Variants in FHIT observed in about 807,000 individuals in gnomAD.
FHIT encodes the protein fragile histidine triad diadenosine triphosphatase.
In FHIT, 19 loss-of-function variants were observed where a neutral mutation model predicts 17.9. The observed-to-expected ratio is 1.06, with a 90% CI of 0.74 to 1.56. The LOEUF is 1.56. Ranked by LOEUF, FHIT falls within the 40% of genes most tolerant of loss-of-function variation. The pLI is 0.00. For missense variants in FHIT, 248 were observed against 189.2 expected, an observed-to-expected ratio of 1.31 and a Z score of -1.82; for synonymous variants, 81 against 69.7, an observed-to-expected ratio of 1.16 and a Z score of -0.81.
chr3:59,784,354 A>G (rs934651655), intron 8 of FHIT, among the ~76,000 whole-genome samples: 2 of 152,310 alleles, frequency 1.3e-5, no homozygotes, highest in Admixed American at 1.3e-4. Context: ...TCTTTTTGAA[A>G]TGCAAATCAG....
At chr3:60,385,804 C>T (rs1700984901) in intron 5 of FHIT, among the ~76,000 whole-genome samples, 1 of 152,056 alleles carries the variant, frequency 6.6e-6, no homozygotes, top group Admixed American at 6.5e-5. Flanking sequence ...TCTTGAACTC[C>T]TGAACTCAAT....
chr3:60,961,714 G>T (rs1391912495), intron 3 of FHIT, among the ~76,000 whole-genome samples: 5 of 152,126 alleles, frequency 3.3e-5, no homozygotes, highest in African/African-American at 9.7e-5. Context: ...GTGTTTGTCA[G>T]GTTTGTCAAA....
chr3:60,044,517 T>G (rs1267638358), intron 5 of FHIT, among the ~76,000 whole-genome samples: 5 of 152,070 alleles, frequency 3.3e-5, no homozygotes, highest in Non-Finnish European at 5.9e-5. Flanking sequence ...GGTTAAGTGT[T>G]TTAACAGGGT....
At chr3:60,036,615 T>A (rs1331879013) in intron 5 of FHIT, among the ~76,000 whole-genome samples, 1 of 152,318 alleles carries the variant, frequency 6.6e-6, no homozygotes, top group South Asian at 2.1e-4. Flanking sequence ...AATGAGCCCA[T>A]AGTCCCGCCA....
chr3:60,622,135 G>A (rs1239488607), intron 4 of FHIT, among the ~76,000 whole-genome samples: 1 of 152,128 alleles, frequency 6.6e-6, no homozygotes, highest in Admixed American at 6.5e-5. Flanking sequence ...AGTCAAGATT[G>A]AAAACCCGGG....
chr3:60,376,657 A>C (rs1035209503), intron 5 of FHIT, among the ~76,000 whole-genome samples: 6 of 152,206 alleles, frequency 3.9e-5, no homozygotes, highest in Non-Finnish European at 4.4e-5. Context: ...TGACACAAAG[A>C]AGCTGTCCTT....
At chr3:60,513,856 C>T (rs1203356636) in intron 5 of FHIT, among the ~76,000 whole-genome samples, 2 of 152,096 alleles carry the variant, frequency 1.3e-5, no homozygotes, top group Non-Finnish European at 2.9e-5. Context: ...TATCCTGTGC[C>T]CATAAGAACC....
At chr3:60,820,099 G>C (rs1701875596) in intron 4 of FHIT, among the ~76,000 whole-genome samples, 1 of 152,124 alleles carries the variant, frequency 6.6e-6, no homozygotes, top group Non-Finnish European at 1.5e-5. Context: ...CTTGAGGTCA[G>C]GGGTTCAAGA....
chr3:59,767,093 C>T (rs1290344450), intron 8 of FHIT, among the ~76,000 whole-genome samples: 1 of 152,120 alleles, frequency 6.6e-6, no homozygotes, highest in African/African-American at 2.4e-5. Context: ...CTATTTGGGC[C>T]TTGGGTGGAG....
intron 5 of FHIT, among the ~76,000 whole-genome samples, chr3:60,194,998 A>G (rs1341166038): frequency 6.6e-6 from 1 of 152,060 alleles, no homozygotes. Flanking sequence ...AAACGCTGTA[A>G]CAACTAAAAA....
At chr3:59,903,325 T>C (rs1251818397) in intron 8 of FHIT, among the ~76,000 whole-genome samples, 2 of 152,120 alleles carry the variant, frequency 1.3e-5, no homozygotes, top group East Asian at 3.9e-4. Context: ...GGGTTTCTTT[T>C]GGGGGTGATG....
intron 2 of FHIT, among the ~76,000 whole-genome samples, chr3:61,059,799 A>G (rs1286991297): frequency 1.3e-5 from 2 of 152,198 alleles, no homozygotes; most frequent in African/African-American, 4.8e-5. Context: ...AGTTCATTCA[A>G]TGCCATCTGG....
intron 1 of FHIT, among the ~76,000 whole-genome samples, chr3:61,242,212 C>G (rs1445799847): frequency 1.3e-5 from 2 of 152,066 alleles, no homozygotes; most frequent in African/African-American, 4.8e-5. Flanking sequence ...GAATATGCTA[C>G]CCCAAAATAT....
At chr3:61,200,003 T>C (rs2038966227) in intron 2 of FHIT, among the ~76,000 whole-genome samples, 1 of 152,184 alleles carries the variant, frequency 6.6e-6, no homozygotes, top group Non-Finnish European at 1.5e-5. Context: ...TTTTTCCATG[T>C]AAAAACCAAC....
chr3:60,780,972 T>C (rs543933133), intron 4 of FHIT, among the ~76,000 whole-genome samples: 2 of 152,204 alleles, frequency 1.3e-5, no homozygotes, highest in African/African-American at 4.8e-5. Context: ...TTTCACCCAA[T>C]AAAACCTTGC....
At chr3:59,902,147 C>CATGG (rs1472049087) in intron 8 of FHIT, among the ~76,000 whole-genome samples, 1 of 152,056 alleles carries the variant, frequency 6.6e-6, no homozygotes, top group East Asian at 1.9e-4. Flanking sequence ...AACGGACCCG[C>CATGG]ATGGATATTT....
chr3:60,701,165 C>A (rs2041237283), intron 4 of FHIT, among the ~76,000 whole-genome samples: 1 of 144,718 alleles, frequency 6.9e-6, no homozygotes, highest in Admixed American at 7.0e-5. Context: ...CCTTTGTTGT[C>A]CAGGCTGGAG....
chr3:60,621,341 G>A (rs1293518937), intron 4 of FHIT, among the ~76,000 whole-genome samples: 2 of 151,560 alleles, frequency 1.3e-5, no homozygotes, highest in African/African-American at 2.4e-5. Context: ...GTAGAGACAG[G>A]GTTTACATTA....
chr3:61,095,647 GTTTT>G (rs2035614920), intron 2 of FHIT, among the ~76,000 whole-genome samples: 3 of 151,212 alleles, frequency 2.0e-5, no homozygotes, highest in Non-Finnish European at 4.4e-5. Context: ...TAAAGCATCT[GTTTT>G]AAAAAAAAAA....
Sources: allele counts gnomAD v4.1 joint callset (sites outside exome capture counted in the v4.1 genomes callset), GRCh38; gene constraint gnomAD v4.1.1; transcripts MANE v1.5; gene names NCBI Gene and HGNC (gene_info 2026-07-23, HGNC 2026-07-21).